Variants in ANKRD44 observed in about 807,000 individuals in gnomAD.
The protein encoded by ANKRD44 is ankyrin repeat domain 44, also known as serine/threonine-protein phosphatase 6 regulatory ankyrin repeat subunit B.
In ANKRD44, 35 loss-of-function variants were observed where a neutral mutation model predicts 116.0. The ratio of observed to expected loss-of-function variants is 0.30; its 90% CI spans 0.23 to 0.40. The LOEUF is 0.40. Ranked by LOEUF, ANKRD44 falls within the 10% of genes least tolerant of loss-of-function variation. The pLI is 1.00. For missense variants in ANKRD44, 1,014 were observed against 1,242.6 expected (o/e 0.82, Z 2.77); for synonymous variants, 435 against 461.8 (o/e 0.94, Z 0.74).
chr2:197,289,376 T>C (rs918662261), intron 1 of ANKRD44, among the ~76,000 whole-genome samples: 2 of 152,188 alleles, frequency 1.3e-5, no homozygotes, highest in Non-Finnish European at 1.5e-5. Context: ...CTTATAAACA[T>C]GCACTTATCA....
chr2:197,068,827 A>G (rs553182605), intron 16 of ANKRD44, among the ~76,000 whole-genome samples: 1 of 152,174 alleles, frequency 6.6e-6, no homozygotes, highest in Non-Finnish European at 1.5e-5. Flanking sequence ...TGGAGAAATA[A>G]GAACACTTTT....
At chr2:197,268,986 A>G (rs1186911473) in intron 1 of ANKRD44, among the ~76,000 whole-genome samples, 1 of 152,110 alleles carries the variant, frequency 6.6e-6, no homozygotes, top group Non-Finnish European at 1.5e-5. Flanking sequence ...TGGTTTGGGG[A>G]AAAATATGAC....
intron 1 of ANKRD44, among the ~76,000 whole-genome samples, chr2:197,194,890 A>G (rs969326106): frequency 2.6e-5 from 4 of 152,234 alleles, no homozygotes; most frequent in Non-Finnish European, 5.9e-5. Context: ...GGTAGGCACT[A>G]AGCAGAATTT....
chr2:197,220,144 T>C (rs2081550486), intron 1 of ANKRD44, among the ~76,000 whole-genome samples: 1 of 152,224 alleles, frequency 6.6e-6, no homozygotes, highest in South Asian at 2.1e-4. Context: ...GAAACAAAGA[T>C]AGCAGTCATA....
At chr2:197,232,407 T>C (rs914516923) in intron 1 of ANKRD44, among the ~76,000 whole-genome samples, 11 of 152,186 alleles carry the variant, frequency 7.2e-5, no homozygotes, top group Admixed American at 6.5e-4. Flanking sequence ...TAATGTCATG[T>C]CTAAAATAGA....
At chr2:197,249,938 C>A (rs1311620085) in intron 1 of ANKRD44, among the ~76,000 whole-genome samples, 1 of 152,192 alleles carries the variant, frequency 6.6e-6, no homozygotes, top group Non-Finnish European at 1.5e-5. Flanking sequence ...ATAATCTACT[C>A]ATGAAATTCT....
At chr2:197,252,569 G>T (rs2082346253) in intron 1 of ANKRD44, among the ~76,000 whole-genome samples, 1 of 152,026 alleles carries the variant, frequency 6.6e-6, no homozygotes, top group African/African-American at 2.4e-5. Flanking sequence ...ACCACGCCCG[G>T]CTAATTTTTT....
intron 1 of ANKRD44, among the ~76,000 whole-genome samples, chr2:197,191,006 G>GA (rs1269052214): frequency 6.6e-6 from 1 of 152,120 alleles, no homozygotes; most frequent in East Asian, 1.9e-4. Context: ...ATAGTGGTAG[G>GA]AAAAAAGGAG....
At chr2:197,136,268 G>A (rs1240257386) in intron 4 of ANKRD44, 6 of 316,258 alleles carry the variant, frequency 1.9e-5, no homozygotes, top group African/African-American at 1.1e-4. Context: ...CTCTATTCAA[G>A]CAGGCAGTTA....
At chr2:197,249,168 G>GCT (rs2082262538) in intron 1 of ANKRD44, among the ~76,000 whole-genome samples, 3 of 152,196 alleles carry the variant, frequency 2.0e-5, no homozygotes, top group Non-Finnish European at 4.4e-5. Context: ...AACTACTTGA[G>GCT]AGGCTGAGGC....
intron 17 of ANKRD44, among the ~76,000 whole-genome samples, chr2:197,014,560 G>A (rs2125923733): frequency 6.6e-6 from 1 of 152,198 alleles, no homozygotes; most frequent in East Asian, 1.9e-4. Context: ...GGCCGAGACG[G>A]GTGGATCACT....
chr2:197,220,505 T>C (rs2081559231), intron 1 of ANKRD44, among the ~76,000 whole-genome samples: 1 of 152,092 alleles, frequency 6.6e-6, no homozygotes, highest in Admixed American at 6.6e-5. Context: ...CAACAGAGAG[T>C]TGTCATAGGT....
intron 1 of ANKRD44, among the ~76,000 whole-genome samples, chr2:197,210,297 T>C (rs759993161): frequency 1.3e-5 from 2 of 152,226 alleles, no homozygotes; most frequent in African/African-American, 4.8e-5. Context: ...TACTACTGTA[T>C]GGCAAGCACT....
At chr2:197,210,917 G>T (rs1255314874) in intron 1 of ANKRD44, among the ~76,000 whole-genome samples, 2 of 152,134 alleles carry the variant, frequency 1.3e-5, no homozygotes, top group Admixed American at 1.3e-4. Context: ...TGGAGAGGGG[G>T]TGTCTAGAAG....
At chr2:196,979,386 A>T (rs2075783473) in intron 21 of ANKRD44, among the ~76,000 whole-genome samples, 1 of 146,522 alleles carries the variant, frequency 6.8e-6, no homozygotes, top group Non-Finnish European at 1.5e-5. Flanking sequence ...CCGTCTCAAA[A>T]AAAAAAAAAA....
At chr2:197,131,192 CTTTT>C (rs11313608) in intron 4 of ANKRD44, among the ~76,000 whole-genome samples, 4 of 130,084 alleles carry the variant, frequency 3.1e-5, no homozygotes, top group Admixed American at 7.8e-5. Context: ...ATAGTAAGTA[CTTTT>C]TTTTTTTTTT....
At chr2:197,149,668 A>T (rs1254810672) in intron 2 of ANKRD44, among the ~76,000 whole-genome samples, 1 of 152,194 alleles carries the variant, frequency 6.6e-6, no homozygotes, top group Non-Finnish European at 1.5e-5. Context: ...TGCTATTAAG[A>T]CCTTAACCAA....
intron 2 of ANKRD44, among the ~76,000 whole-genome samples, chr2:197,180,397 T>A (rs1359458344): frequency 3.3e-5 from 5 of 152,198 alleles, no homozygotes; most frequent in African/African-American, 1.2e-4. Flanking sequence ...TGCACCTGCA[T>A]TCCTGCAGGG....
intron 3 of ANKRD44, among the ~76,000 whole-genome samples, chr2:197,146,824 A>G (rs1285858141): frequency 6.6e-6 from 1 of 152,218 alleles, no homozygotes; most frequent in Non-Finnish European, 1.5e-5. Context: ...TCAAAGCAAG[A>G]TAAAAATGTT....
Sources: gnomAD v4.1 joint callset for allele counts (sites outside exome capture counted in the v4.1 genomes callset) on GRCh38, gnomAD v4.1.1 for gene constraint, MANE v1.5 for transcripts, NCBI Gene and HGNC (gene_info 2026-07-23, HGNC 2026-07-21) for gene names.